Variants in WASF1 observed in about 807,000 individuals in gnomAD.
The protein encoded by WASF1 is actin-binding protein WASF1.
A neutral mutation model predicts 50.5 loss-of-function variants in WASF1; 7 were observed. That is an observed-to-expected ratio of 0.14 (90% CI 0.08 to 0.26). The LOEUF is 0.26. WASF1 is among the 10% of genes least tolerant of loss of function. The pLI is 1.00. For synonymous variants in WASF1, 205 were observed against 244.0 expected, an observed-to-expected ratio of 0.84 and a Z score of 1.49; for missense variants, 470 against 694.7, an observed-to-expected ratio of 0.68 and a Z score of 3.64.
At chr6:110,106,996 A>G in intron 7 of WASF1, 81 bp downstream of exon 7, 1 of 998,540 alleles carries the variant, frequency 1.0e-6, no homozygotes, top group East Asian at 2.4e-5. Context: ...CTGTCAAAAT[A>G]CAAGATTAAT....
chr6:110,141,697 C>A (rs1775243241), intron 3 of WASF1, among the ~76,000 whole-genome samples: 1 of 151,630 alleles, frequency 6.6e-6, no homozygotes, highest in South Asian at 2.1e-4. Flanking sequence ...GAAGAAATAA[C>A]AAAATCATGA....
At chr6:110,142,378 C>T (rs776227558) in intron 3 of WASF1, among the ~76,000 whole-genome samples, 1 of 152,084 alleles carries the variant, frequency 6.6e-6, no homozygotes, top group South Asian at 2.1e-4. Flanking sequence ...AGAGAGAAAA[C>T]CTTTCCTCAT....
chr6:110,133,917 G>C (rs1047124914), intron 3 of WASF1, among the ~76,000 whole-genome samples: 7 of 151,982 alleles, frequency 4.6e-5, no homozygotes, highest in Non-Finnish European at 7.4e-5. Flanking sequence ...TTGGGTTCTT[G>C]GTCAGGAACT....
chr6:110,107,265 T>A, intron 6 of WASF1, 71 bp from the exon 7 acceptor site: 1 of 1,009,280 alleles, frequency 9.9e-7, no homozygotes. Flanking sequence ...ATAATTTCAC[T>A]AAAATGTTTA....
At chr6:110,139,333 C>T (rs919746763) in intron 3 of WASF1, among the ~76,000 whole-genome samples, 12 of 152,234 alleles carry the variant, frequency 7.9e-5, no homozygotes, top group African/African-American at 2.9e-4. Context: ...CCCAGTAGCA[C>T]AGGGCTCCCA....
chr6:110,150,654 G>T (rs1775780913), intron 3 of WASF1, among the ~76,000 whole-genome samples: 2 of 152,070 alleles, frequency 1.3e-5, no homozygotes, highest in South Asian at 4.1e-4. Context: ...AAGGAAAACA[G>T]AAGCAGGAAT....
At chr6:110,151,148 T>C (rs1453848746) in intron 3 of WASF1, among the ~76,000 whole-genome samples, 3 of 152,230 alleles carry the variant, frequency 2.0e-5, no homozygotes, top group Non-Finnish European at 4.4e-5. Flanking sequence ...TCATAGGGTA[T>C]ATATACACAT....
intron 4 of WASF1, among the ~76,000 whole-genome samples, chr6:110,124,235 C>CCCCTCT (rs1562170286): frequency 2.7e-4 from 3 of 11,030 alleles, no homozygotes; most frequent in African/African-American, 9.1e-4. Context: ...TCCTCTCTCT[C>CCCCTCT]CTCTCTCTCT....
intron 2 of WASF1, among the ~76,000 whole-genome samples, chr6:110,169,852 G>A (rs537711634): frequency 2.0e-5 from 3 of 152,124 alleles, no homozygotes; most frequent in African/African-American, 7.2e-5. Context: ...ACAATGCCTA[G>A]CATATACAGG....
At position 110,105,537 on chromosome 6, in the gene WASF1, T is replaced by G; in HGVS notation, c.583A>C (p.Arg195=). ...TCTCGCCGCCTGTCATGAGGTGCTC[T>G]TGGCACTTTTTCTGGTTCATGAGGA... ...DRPHEPEKVP[R]APHDRRREWQ... is the part of the protein sequence containing the mutation. Residue 195 remains arginine (R), a synonymous_variant, in exon 8 of 11, where the codon AGA becomes CGA. Transcript: ENST00000392589. 6.2e-7 allele frequency: 1 copy of G among 1,613,968 alleles called. No homozygotes were observed.
At chr6:110,110,685 G>T (rs1361750845) in intron 5 of WASF1, among the ~76,000 whole-genome samples, 2 of 151,900 alleles carry the variant, frequency 1.3e-5, no homozygotes, top group Non-Finnish European at 2.9e-5. Flanking sequence ...AAACATAATT[G>T]ACTTAAATAT....
intron 5 of WASF1, among the ~76,000 whole-genome samples, chr6:110,110,481 A>G (rs563763844): frequency 6.6e-6 from 1 of 152,194 alleles, no homozygotes; most frequent in Non-Finnish European, 1.5e-5. Context: ...AATCTCGCCA[A>G]ACTTCCTTGG....
chr6:110,135,287 T>C (rs1289108082), intron 3 of WASF1, among the ~76,000 whole-genome samples: 1 of 152,050 alleles, frequency 6.6e-6, no homozygotes, highest in African/African-American at 2.4e-5. Flanking sequence ...CAGGGTTTTC[T>C]AGGTATATGA....
chr6:110,121,475 C>T (rs1208395187), intron 4 of WASF1, among the ~76,000 whole-genome samples: 1 of 152,070 alleles, frequency 6.6e-6, no homozygotes, highest in Non-Finnish European at 1.5e-5. Flanking sequence ...AAATCAAAAC[C>T]ACAAGGAGAT....
At chr6:110,170,674 A>G (rs1776671058) in intron 2 of WASF1, among the ~76,000 whole-genome samples, 1 of 152,168 alleles carries the variant, frequency 6.6e-6, no homozygotes, top group South Asian at 2.1e-4. Flanking sequence ...GTAGATTAAA[A>G]AAAAAAGACC....
At chr6:110,154,993 A>G (rs1775997324) in intron 3 of WASF1, among the ~76,000 whole-genome samples, 1 of 152,080 alleles carries the variant, frequency 6.6e-6, no homozygotes, top group African/African-American at 2.4e-5. Context: ...TATAAATGGG[A>G]CAGCTAGTAT....
chr6:110,134,798 T>C (rs1774870691), intron 3 of WASF1, among the ~76,000 whole-genome samples: 1 of 152,188 alleles, frequency 6.6e-6, no homozygotes, highest in South Asian at 2.1e-4. Context: ...TGAAGTCAGG[T>C]AATGTGATGT....
Position 110,100,458 on chromosome 6 carries a change from C to T in WASF1, c.*64G>A, listed in dbSNP as rs1200436707. On this transcript the variant is annotated 3_prime_UTR_variant, in exon 11 of 11. Transcript: ENST00000392589. ...AAACACTAGAATGACCAAACATTTT[C>T]AAGGAACAAGCACCACAAAGGACAT... 3 of 1,430,532 alleles carry T rather than the reference C, an allele frequency of 2.1e-6. No homozygotes were observed. Among genetic ancestry groups the T allele is most frequent in the Non-Finnish European group, 2.8e-6 (3 of 1,072,148 alleles). 88.6% of individuals were successfully genotyped at this position (1,430,532 alleles called of 1,614,324 possible).
At chr6:110,175,073 T>C (rs1230122366) in intron 2 of WASF1, among the ~76,000 whole-genome samples, 4 of 152,080 alleles carry the variant, frequency 2.6e-5, no homozygotes, top group East Asian at 1.9e-4. Flanking sequence ...CAAAGCTCCA[T>C]AGCACCCCAG....
Sources: allele counts gnomAD v4.1 joint callset (sites outside exome capture counted in the v4.1 genomes callset), GRCh38; gene constraint gnomAD v4.1.1; transcripts MANE v1.5; gene names NCBI Gene and HGNC (gene_info 2026-07-23, HGNC 2026-07-21).